The following OPCML variants were observed in gnomAD, a reference collection of about 807,000 sequenced individuals.
OPCML encodes opioid-binding protein/cell adhesion molecule.
Under a neutral mutation model 37.8 loss-of-function variants are expected in OPCML, and 13 were observed. The ratio of observed to expected loss-of-function variants is 0.34; its 90% CI spans 0.22 to 0.55. The LOEUF (loss-of-function observed/expected upper bound fraction) is 0.55, where lower values mean the gene tolerates loss of function less well. Ranked by LOEUF, OPCML falls within the 20% of genes least tolerant of loss-of-function variation. OPCML has a pLI of 0.91. For missense variants in OPCML, 341 were observed against 435.6 expected (o/e 0.78, Z 1.93); for synonymous variants, 176 against 168.8 (o/e 1.04, Z -0.33).
intron 1 of OPCML, among the ~76,000 whole-genome samples, chr11:133,460,868 G>T (rs1458929763): frequency 6.6e-6 from 1 of 151,746 alleles, no homozygotes; most frequent in Non-Finnish European, 1.5e-5. Flanking sequence ...TATTAAAAGG[G>T]TTATACACTG....
chr11:133,168,097 C>T (rs1950238105), intron 1 of OPCML, among the ~76,000 whole-genome samples: 1 of 152,120 alleles, frequency 6.6e-6, no homozygotes, highest in Non-Finnish European at 1.5e-5. Flanking sequence ...CAATGATGTC[C>T]CATCTCCCAA....
intron 4 of OPCML, among the ~76,000 whole-genome samples, chr11:132,503,407 T>A (rs563201764): frequency 6.6e-6 from 1 of 152,334 alleles, no homozygotes; most frequent in Admixed American, 6.5e-5. Flanking sequence ...CACTTATGCA[T>A]TGTCAGGCAG....
intron 1 of OPCML, among the ~76,000 whole-genome samples, chr11:133,456,905 T>A (rs188588561): frequency 2.6e-4 from 39 of 151,968 alleles, no homozygotes; most frequent in Non-Finnish European, 5.0e-4. Flanking sequence ...ATATATACTA[T>A]CAGAGTCCCA....
chr11:132,970,228 T>C (rs1358919699), intron 1 of OPCML, among the ~76,000 whole-genome samples: 1 of 152,198 alleles, frequency 6.6e-6, no homozygotes, highest in Non-Finnish European at 1.5e-5. Context: ...CACTTTTAAA[T>C]TCATTTTACT....
At chr11:133,103,940 G>A (rs1949121635) in intron 1 of OPCML, among the ~76,000 whole-genome samples, 1 of 152,194 alleles carries the variant, frequency 6.6e-6, no homozygotes, top group African/African-American at 2.4e-5. Flanking sequence ...GAACACTAAT[G>A]ATGTTAATGA....
Position 132,943,220 on chromosome 11 carries a change from AAGG to A in OPCML, c.62-213_62-211del. On this transcript the variant is annotated intron_variant, in intron 1 of 7. Coordinates refer to ENST00000524381, the MANE Select transcript of OPCML (RefSeq NM_001012393.5). This position sits in a 1 kb window ranked among gnomAD's most constrained non-coding sequence, Gnocchi z 4.3. ...GGCAGAGTTCGCCAGGAGCAGGGGG[AAGG>A]AGAAGAGAGGAGTCCGGGCTCTCCG... is the stretch of plus-strand genomic sequence containing the variant. The A allele has an allele frequency of 7.1e-7, 1 of 1,415,606 alleles. No homozygotes were observed. The highest frequency in any genetic ancestry group is 9.6e-7 in the Non-Finnish European group (1 of 1,037,542). The allele number at this position is 1,415,606 out of a possible 1,614,324, so 87.7% of individuals were successfully genotyped here. A position where few individuals can be genotyped will look rare whatever the true frequency, so the allele number is the denominator to read the frequency against.
intron 1 of OPCML, among the ~76,000 whole-genome samples, chr11:133,443,741 C>T (rs913208624): frequency 1.3e-5 from 2 of 152,164 alleles, no homozygotes; most frequent in Non-Finnish European, 2.9e-5. Flanking sequence ...GTGGCTGAGC[C>T]TCTGTCCTAG....
At chr11:133,252,001 G>T (rs994706854) in intron 1 of OPCML, among the ~76,000 whole-genome samples, 1 of 152,184 alleles carries the variant, frequency 6.6e-6, no homozygotes, top group Non-Finnish European at 1.5e-5. Context: ...CCTCCCCCCA[G>T]AGTCGACAGG....
chr11:132,605,554 G>A (rs961616449), intron 3 of OPCML, among the ~76,000 whole-genome samples: 9 of 152,052 alleles, frequency 5.9e-5, no homozygotes, highest in African/African-American at 2.2e-4. Flanking sequence ...CAGAGATAGA[G>A]ACTCTGTGTC....
chr11:132,435,330 C>A (rs1017193282), intron 7 of OPCML: 1 of 1,021,442 alleles, frequency 9.8e-7, no homozygotes, highest in Non-Finnish European at 1.3e-6. Flanking sequence ...AACGTGGATA[C>A]CTCTCTTCAT....
At chr11:132,765,060 G>T (rs1047843358) in intron 2 of OPCML, among the ~76,000 whole-genome samples, 2 of 151,804 alleles carry the variant, frequency 1.3e-5, no homozygotes, top group Admixed American at 1.3e-4. Context: ...GCTAGCGTTC[G>T]TTTTGCTGAC....
At chr11:132,826,366 T>C (rs149868404) in intron 2 of OPCML, among the ~76,000 whole-genome samples, 1 of 152,362 alleles carries the variant, frequency 6.6e-6, no homozygotes, top group African/African-American at 2.4e-5. Flanking sequence ...AGGAAGGGTT[T>C]CTTATCTTCT....
intron 1 of OPCML, among the ~76,000 whole-genome samples, chr11:132,986,076 C>G (rs571311980): frequency 1.3e-5 from 2 of 152,274 alleles, no homozygotes; most frequent in East Asian, 3.9e-4. Context: ...TGTCATTCAT[C>G]CTTTAGAACT....
chr11:132,971,901 T>C (rs1241531811), intron 1 of OPCML, among the ~76,000 whole-genome samples: 2 of 152,228 alleles, frequency 1.3e-5, no homozygotes, highest in Non-Finnish European at 2.9e-5. Context: ...ATGTAACTTA[T>C]TGTACTTCAA....
Position 133,271,207 on chromosome 11 carries a change from T to C in OPCML, c.61+261057A>G, listed in dbSNP as rs986807389. Among the ~76,000 whole-genome samples, 11 of 152,306 alleles carry C rather than the reference T, an allele frequency of 7.2e-5. 1 individual carries two copies. The highest frequency in any genetic ancestry group is 3.4e-3 in the Middle Eastern group (1 of 294). On this transcript the variant is annotated intron_variant, in intron 1 of 7. Transcript: ENST00000524381. ...TAATGCCTACCTCAAAACATTTTTA[T>C]AGAGATTAAAAAGGGTAACATACAT...
intron 2 of OPCML, among the ~76,000 whole-genome samples, chr11:132,838,215 TG>T (rs1941125358): frequency 2.6e-5 from 4 of 152,226 alleles, no homozygotes; most frequent in Admixed American, 1.3e-4. Context: ...AGGCACCATT[TG>T]GGGCCTAGGT....
At chr11:132,810,794 T>G (rs979873956) in intron 2 of OPCML, 4 of 152,214 alleles carry the variant, frequency 2.6e-5, no homozygotes, top group African/African-American at 9.7e-5. Flanking sequence ...GCATAGCACC[T>G]AAGGGTAGAG....
chr11:132,512,672 C>T (rs2096271400), intron 4 of OPCML, among the ~76,000 whole-genome samples: 1 of 151,646 alleles, frequency 6.6e-6, no homozygotes, highest in Admixed American at 6.6e-5. Context: ...TTCATATACA[C>T]ATGTTTTAAA....
intron 1 of OPCML, among the ~76,000 whole-genome samples, chr11:133,219,613 T>A (rs575139): frequency 0.34 from 51,396 of 151,780 alleles, 9,356 homozygotes; most frequent in African/African-American, 0.47. Flanking sequence ...TGCAGTGTGA[T>A]GAGAAGACTT....
Sources: allele counts gnomAD v4.1 joint callset (sites outside exome capture counted in the v4.1 genomes callset), GRCh38; gene constraint gnomAD v4.1.1; non-coding constraint Gnocchi (gnomAD v3.1); transcripts MANE v1.5; gene names NCBI Gene and HGNC (gene_info 2026-07-23, HGNC 2026-07-21).